GALNT13: variants seen among roughly 807,000 people sequenced by gnomAD.
GALNT13 encodes UDP-GalNAc:polypeptide N-acetylgalactosaminyltransferase 13.
In GALNT13, 28 loss-of-function variants were observed where a neutral mutation model predicts 64.2. That is an observed-to-expected ratio of 0.44 (90% CI 0.32 to 0.60). The LOEUF (loss-of-function observed/expected upper bound fraction) is 0.60, where lower values mean the gene tolerates loss of function less well. Ranked by LOEUF, GALNT13 falls within the 20% of genes least tolerant of loss-of-function variation. The pLI is 0.05. For missense variants in GALNT13, 577 were observed against 669.8 expected, an observed-to-expected ratio of 0.86 and a Z score of 1.53; for synonymous variants, 214 against 224.6, an observed-to-expected ratio of 0.95 and a Z score of 0.42.
chr2:153,717,551 A>T, the GALNT13 span, among the ~76,000 whole-genome samples: 1 of 152,218 alleles, frequency 6.6e-6, no homozygotes, highest in Admixed American at 6.5e-5. Context: ...ACACAATTCA[A>T]AAATTATGTC....
chr2:153,258,400 A>AAAACAAAACAAAACC, the GALNT13 span, among the ~76,000 whole-genome samples: 16 of 151,622 alleles, frequency 1.1e-4, no homozygotes, highest in Non-Finnish European at 1.5e-4. Context: ...AAAACAAAAC[A>AAAACAAAACAAAACC]AAACCCAACT....
At chr2:153,730,228 T>G in the GALNT13 span, among the ~76,000 whole-genome samples, 1 of 152,018 alleles carries the variant, frequency 6.6e-6, no homozygotes, top group East Asian at 1.9e-4. Flanking sequence ...AGCATGGTAC[T>G]GGTTTAAAAA....
chr2:153,908,878 T>C (rs1222060896), intron 2 of GALNT13, among the ~76,000 whole-genome samples: 2 of 152,166 alleles, frequency 1.3e-5, no homozygotes, highest in South Asian at 2.1e-4. Flanking sequence ...ATATTTGGGC[T>C]CTTTTTTGGT....
At chr2:153,767,713 A>G in the GALNT13 span, among the ~76,000 whole-genome samples, 9 of 151,756 alleles carry the variant, frequency 5.9e-5, no homozygotes, top group East Asian at 9.7e-4. Flanking sequence ...GATGTTGAGC[A>G]TATTTTTATA....
At chr2:153,139,974 A>G in the GALNT13 span, among the ~76,000 whole-genome samples, 3 of 152,062 alleles carry the variant, frequency 2.0e-5, no homozygotes, top group Non-Finnish European at 2.9e-5. Flanking sequence ...GTTCTTAGCT[A>G]TTTATTTTCC....
intron 3 of GALNT13, among the ~76,000 whole-genome samples, chr2:154,110,300 T>G (rs1173568720): frequency 0.059 from 1,381 of 23,564 alleles, 124 homozygotes; most frequent in East Asian, 0.099. Context: ...TATATATATA[T>G]ATATATATAT....
chr2:153,345,708 T>C, the GALNT13 span, among the ~76,000 whole-genome samples: 55 of 137,650 alleles, frequency 4.0e-4, no homozygotes, highest in Non-Finnish European at 5.0e-4. Context: ...TCTTTCTCTT[T>C]CTCTCTTTCT....
At chr2:153,852,093 C>T in the GALNT13 span, among the ~76,000 whole-genome samples, 25 of 151,654 alleles carry the variant, frequency 1.6e-4, no homozygotes, top group East Asian at 1.9e-4. Flanking sequence ...CATAAAACTA[C>T]GGAAATTGAA....
At chr2:153,378,285 TA>T in the GALNT13 span, among the ~76,000 whole-genome samples, 1 of 149,618 alleles carries the variant, frequency 6.7e-6, no homozygotes, top group Non-Finnish European at 1.5e-5. Context: ...GATAGATAGA[TA>T]GATAGATAGA....
the GALNT13 span, among the ~76,000 whole-genome samples, chr2:153,608,005 C>T: frequency 1.3e-5 from 2 of 152,082 alleles, no homozygotes; most frequent in Admixed American, 6.6e-5. Flanking sequence ...TAGCCTACCA[C>T]CAACTTTCTC....
the GALNT13 span, among the ~76,000 whole-genome samples, chr2:153,526,544 C>T: frequency 1.3e-5 from 2 of 152,202 alleles, no homozygotes; most frequent in Admixed American, 1.3e-4. Context: ...CACCCAAGTT[C>T]TTTCCAATAT....
chr2:153,695,359 C>T, the GALNT13 span, among the ~76,000 whole-genome samples: 1 of 152,186 alleles, frequency 6.6e-6, no homozygotes, highest in African/African-American at 2.4e-5. Context: ...AGATACTAGT[C>T]AAGGGCCTAA....
At chr2:153,944,676 A>G in intron 3 of GALNT13, 37 bp downstream of exon 3, 1 of 1,549,156 alleles carries the variant, frequency 6.5e-7, no homozygotes, top group Non-Finnish European at 8.8e-7. Flanking sequence ...CTTTATAGAG[A>G]TGAGAAAAGT....
At chr2:153,112,740 T>G in the GALNT13 span, among the ~76,000 whole-genome samples, 2 of 152,194 alleles carry the variant, frequency 1.3e-5, no homozygotes, top group African/African-American at 4.8e-5. Flanking sequence ...AGTATTAACT[T>G]CCCCTTTAAA....
chr2:153,964,186 T>C (rs1693160487), intron 3 of GALNT13, among the ~76,000 whole-genome samples: 1 of 152,148 alleles, frequency 6.6e-6, no homozygotes, highest in Non-Finnish European at 1.5e-5. Flanking sequence ...TAGTGACTCA[T>C]GCCTGTAATC....
chr2:153,197,093 G>T, the GALNT13 span, among the ~76,000 whole-genome samples: 1 of 151,908 alleles, frequency 6.6e-6, no homozygotes, highest in African/African-American at 2.4e-5. Flanking sequence ...GTGGTGGCAG[G>T]CAGGACAACT....
the GALNT13 span, among the ~76,000 whole-genome samples, chr2:153,428,969 C>T: frequency 6.6e-6 from 1 of 152,092 alleles, no homozygotes; most frequent in African/African-American, 2.4e-5. Context: ...TCACCAAATA[C>T]CCTCTTCTTC....
the GALNT13 span, among the ~76,000 whole-genome samples, chr2:153,516,217 G>T: frequency 0.015 from 2,262 of 152,270 alleles, 25 homozygotes; most frequent in South Asian, 0.027. Flanking sequence ...AAGTAGGCCT[G>T]AACTGTTTAA....
intron 4 of GALNT13, among the ~76,000 whole-genome samples, chr2:154,236,606 A>G (rs1263757201): frequency 6.6e-6 from 1 of 152,098 alleles, no homozygotes; most frequent in Non-Finnish European, 1.5e-5. Context: ...TTTCACTGGA[A>G]TACCAGATTT....
Sources: allele counts gnomAD v4.1 joint callset (sites outside exome capture counted in the v4.1 genomes callset), GRCh38; gene constraint gnomAD v4.1.1; transcripts MANE v1.5; gene names NCBI Gene and HGNC (gene_info 2026-07-23, HGNC 2026-07-21).